Variants in APOB observed in about 807,000 individuals in gnomAD.
The protein encoded by APOB is apolipoprotein B-100.
APOB carries 153 observed loss-of-function variants against 314.1 expected under a neutral mutation model. The observed-to-expected ratio is 0.49, with a 90% CI of 0.43 to 0.56. APOB has a LOEUF of 0.56. Ranked by LOEUF, APOB falls within the 20% of genes least tolerant of loss-of-function variation. The pLI is 0.00. For missense variants in APOB, 5,430 were observed against 5,350.7 expected (o/e 1.01, Z -0.46); for synonymous variants, 2,087 against 2,036.4 (o/e 1.02, Z -0.67).
At chr2:21,025,343 A>T (rs532099564) in intron 15 of APOB, among the ~76,000 whole-genome samples, 8 of 152,276 alleles carry the variant, frequency 5.3e-5, no homozygotes, top group South Asian at 4.1e-4. Flanking sequence ...ATTCTTAATT[A>T]AAAAATCTGT....
chr2:21,004,947 A>G lies in APOB; in HGVS notation c.11788+133T>C, dbSNP rs1245890776. The stretch of plus-strand genomic sequence containing the variant: ...GTTTTTACGTGTAGGGTATACATGT[A>G]TCTCTTTTCTTACTTAAAATTTTGT... On this transcript the variant is annotated intron_variant, in intron 26 of 28. Transcript: ENST00000233242. 3.1e-5 allele frequency: 38 copies of G among 1,245,608 alleles called. No homozygotes were observed. The Admixed American group carries it at 4.2e-4, about 14-fold the overall frequency. The allele number at this position is 1,245,608 out of a possible 1,614,324, so 77.2% of individuals were successfully genotyped here.
chr2:21,037,102 T>A lies in APOB; in HGVS notation c.691A>T (p.Met231Leu). ...GACAGTGCTGACATGGGACTTACCA[T>A]GCCTTTGATGAGAGCAAGTGGGCTG... ...GISPLALIKG[M>L]TRPLSTLISS... The change falls in exon 6 of 29, where the codon ATG becomes TTG. Residue 231 changes from methionine (M) to leucine (L), a missense_variant and splice_region_variant. Met to Leu is a conservative substitution (Grantham distance 15, BLOSUM62 2). Transcript: ENST00000233242. 2 of 1,614,218 alleles carry A rather than the reference T, an allele frequency of 1.2e-6. No homozygotes were observed. Among genetic ancestry groups the A allele is most frequent in the Middle Eastern group, 1.7e-4 (1 of 6,042 alleles).
rs1048722739 is a variant in APOB at position 21,042,558 on chromosome 2, G to T, written c.122-82C>A. The T allele has an allele frequency of 4.2e-6, 4 of 947,662 alleles. No homozygotes were observed. The African/African-American group carries it at 4.8e-5, about 11-fold the overall frequency. 58.7% of individuals were successfully genotyped at this position (947,662 alleles called of 1,614,324 possible). On this transcript the variant is annotated intron_variant, in intron 2 of 28. Transcript: ENST00000233242. ...CCAATTCTGGGCAGAGAGGGGCAGT[G>T]GCATAGAGAATTAAAAATGGTAATT...
rs575272495 is a variant in APOB at position 21,043,120 on chromosome 2, G to A, written c.121+393C>T. ...GGAGGCCAGTTCCTTTAACCCCCAG[G>A]GGTCAGGTAAATAGGAAGGGGGTGG... On this transcript the variant is annotated intron_variant, in intron 2 of 28. Coordinates refer to ENST00000233242, the MANE Select transcript of APOB (RefSeq NM_000384.3). Among the ~76,000 whole-genome samples the A allele has an allele frequency of 2.7e-5, 4 of 150,746 alleles. No individual in the cohort carries two copies. The East Asian group carries it at 7.8e-4, about 29-fold the overall frequency.
In APOB at chr2:21,006,176, C is replaced by T. The variant is rs1663132010; in HGVS notation, c.10692G>A (p.Glu3564=). ...ATLQRIYSLW[E]HSTKNHLQLE... Reference sequence around the variant, plus strand: ...GCTGTAAGTGGTTTTTCGTACTGTGCTCCCAGAGGGAATATATGCGTTGGA... The same window carrying T: ...GCTGTAAGTGGTTTTTCGTACTGTGTTCCCAGAGGGAATATATGCGTTGGA... Residue 3564 remains glutamate, a synonymous_variant, in exon 26 of 29, where the codon GAG becomes GAA. Transcript: ENST00000233242. 6.2e-7 allele frequency: 1 copy of T among 1,613,994 alleles called. No individual in the cohort carries two copies. The highest frequency in any genetic ancestry group is 8.5e-7 in the Non-Finnish European group (1 of 1,179,946).
chr2:21,004,825 A>C, intron 26 of APOB, 150 bp from the exon 27 acceptor site: 1 of 747,258 alleles, frequency 1.3e-6, no homozygotes, highest in Non-Finnish European at 2.2e-6. Flanking sequence ...TTTAAAATAA[A>C]TAGTTAAAAG....
rs772671206 is a variant in APOB at position 21,004,350 on chromosome 2, G to A, written c.12006C>T (p.Ala4002=). 3 of 1,613,970 alleles carry A rather than the reference G, an allele frequency of 1.9e-6. No homozygotes were observed. Among genetic ancestry groups the A allele is most frequent in the East Asian group, 2.2e-5 (1 of 44,876 alleles). ...KDKKGISTSA[A]SPAVGTVGMD... ...TGCCCACGGTGCCTACGGCTGGGGA[G>A]GCTGCTGAGGTGGAGATGCCTTTCT... Residue 4002 remains alanine, a synonymous_variant, in exon 28 of 29, where the codon GCC becomes GCT. Transcript: ENST00000233242.
chr2:21,018,029 C>A (rs1279535728), intron 20 of APOB, among the ~76,000 whole-genome samples: 1 of 152,182 alleles, frequency 6.6e-6, no homozygotes, highest in Non-Finnish European at 1.5e-5. Context: ...GTAGCCCTTT[C>A]CATCTCAATA....
chr2:21,015,135 G>T lies in APOB; in HGVS notation c.3634C>A (p.Leu1212Met), dbSNP rs61736761. 5.5e-3 allele frequency: 8,870 copies of T among 1,614,164 alleles called. 344 individuals carry two copies. In the African/African-American group the frequency reaches 0.092, roughly 17 times the overall value. The stretch of plus-strand genomic sequence containing the variant: ...TCTGTTTGAGGGACTCTGTGATCCA[G>T]GAGTCTATTAGCATACATATGCAAG... ...KSLHMYANRL[L>M]DHRVPQTDMT... The change falls in exon 23 of 29, where the codon CTG becomes ATG. Residue 1212 changes from leucine to methionine, a missense_variant. Around this residue, in one of 3 missense-constraint regions of APOB, gnomAD observed 2,085 missense variants for 2,079.7 expected, o/e 1.00. Coordinates refer to ENST00000233242, the MANE Select transcript of APOB (RefSeq NM_000384.3).
Position 21,002,411 on chromosome 2 carries a change from G to A in APOB, c.13011C>T (p.Phe4337=), listed in dbSNP as rs2103347081. The A allele has an allele frequency of 6.3e-7, 1 of 1,599,220 alleles. No individual in the cohort carries two copies. Residue 4337 remains phenylalanine, a synonymous_variant, in exon 29 of 29, where the codon TTC becomes TTT. Transcript: ENST00000233242. Reference sequence around the variant, plus strand: ...TAAAAACATATGGGATATAATCACTGAAGATTGTGTTGATCTCATCTTGGA... The same window carrying A: ...TAAAAACATATGGGATATAATCACTAAAGATTGTGTTGATCTCATCTTGGA... ...NYIQDEINTI[F]SDYIPYVFKL... is the part of the protein sequence containing the mutation.
At chr2:21,042,959 A>G (rs1367420073) in intron 2 of APOB, among the ~76,000 whole-genome samples, 2 of 150,660 alleles carry the variant, frequency 1.3e-5, no homozygotes, top group Admixed American at 1.3e-4. Flanking sequence ...TGTAGTTGAG[A>G]GGAATTTTCT....
rs12720788 is a variant in APOB, at chr2:21,039,999, A to T, written c.383+939T>A. ...CAAATTTCGTCTCGTAGCTCTCATA[A>T]TTCCCACGTGTTGTGGGAGGGACCC... On this transcript the variant is annotated intron_variant, in intron 4 of 28. Coordinates refer to ENST00000233242, the MANE Select transcript of APOB (RefSeq NM_000384.3). Among the ~76,000 whole-genome samples the T allele has an allele frequency of 8.8e-3, 1,338 of 152,310 alleles. 7 individuals carry two copies. The highest frequency in any genetic ancestry group is 0.015 in the Non-Finnish European group (1,020 of 68,012).
chr2:21,018,561 C>T (rs1019218271), intron 20 of APOB, among the ~76,000 whole-genome samples: 10 of 152,138 alleles, frequency 6.6e-5, no homozygotes, highest in East Asian at 3.9e-4. Context: ...TCTTACCACA[C>T]GGCTTCTCCT....
rs1663220591 is a variant in APOB at position 21,008,699 on chromosome 2, G to A, written c.8169C>T (p.Ile2723=). The change falls in exon 26 of 29, where the codon ATC becomes ATT. Residue 2723 remains isoleucine (I), a synonymous_variant. Transcript: ENST00000233242. ...GAAAATCATTAAGGTTGAGAGTTGG[G>A]ATTATGAATTCTGGAATTGCGATTT... The part of the protein sequence containing the change: ...LPEIAIPEFI[I]PTLNLNDFQV... 1.9e-6 allele frequency: 3 copies of A among 1,613,998 alleles called. No homozygotes were observed. Among genetic ancestry groups the A allele is most frequent in the African/African-American group, 1.3e-5 (1 of 74,916 alleles).
chr2:21,003,151 C>T lies in APOB; in HGVS notation c.12271G>A (p.Glu4091Lys). Residue 4091 changes from glutamate (E) to lysine (K), a missense_variant, in exon 29 of 29, where the codon GAA (glutamate) becomes AAA (lysine). Coordinates refer to ENST00000233242, the MANE Select transcript of APOB (RefSeq NM_000384.3). ...TCTCTCAGGGTGAGCCCTGTGTGTT[C>T]CCAGTGGTACTTGTTGACATAATCA... The part of the protein sequence containing the change: ...LYDYVNKYHW[E>K]HTGLTLREVS... 6.2e-7 allele frequency: 1 copy of T among 1,613,748 alleles called. No homozygotes were observed. The highest frequency in any genetic ancestry group is 8.5e-7 in the Non-Finnish European group (1 of 1,179,754).
chr2:21,015,561 T>C lies in APOB; in HGVS notation c.3333-16A>G. Reference sequence around the variant, plus strand: ...TGTGTCACAACTATGGTAAAGAAAATCAGTTGGCACCAATGATTTTGTCCT... The same window carrying C: ...TGTGTCACAACTATGGTAAAGAAAACCAGTTGGCACCAATGATTTTGTCCT... On this transcript the variant is annotated splice_polypyrimidine_tract_variant and intron_variant, in intron 21 of 28. Coordinates refer to ENST00000233242, the MANE Select transcript of APOB (RefSeq NM_000384.3). The C allele has an allele frequency of 6.2e-7, 1 of 1,609,782 alleles. No homozygotes were observed. The highest frequency in any genetic ancestry group is 8.5e-7 in the Non-Finnish European group (1 of 1,179,834).
At chr2:21,032,640 G>T (rs1663909571) in intron 9 of APOB, 59 bp from the exon 10 acceptor site, 1 of 1,352,470 alleles carries the variant, frequency 7.4e-7, no homozygotes, top group Non-Finnish European at 1.0e-6. Context: ...ATAAAATATT[G>T]CTCATGGTGT....
rs371068679 is a variant in APOB, at chr2:21,010,641, G to A, written c.6227C>T (p.Thr2076Ile). ...ATTCCTCTCAAAATATTCTTGCAAG[G>A]TCTCAAAAAATGGGAGGTTAATGGA... is the stretch of plus-strand genomic sequence containing the variant. ...VHSINLPFFE[T>I]LQEYFERNRQ... The change falls in exon 26 of 29, where the codon ACC (threonine) becomes ATC (isoleucine). Residue 2076 changes from threonine (T) to isoleucine (I), a missense_variant. Thr to Ile is a moderately conservative substitution (Grantham distance 89). Around this residue, in one of 3 missense-constraint regions of APOB, gnomAD observed 3,281 missense variants for 3,171.0 expected, o/e 1.03. Transcript: ENST00000233242. 18 of 1,613,862 alleles carry A rather than the reference G, an allele frequency of 1.1e-5. No homozygotes were observed. The highest frequency in any genetic ancestry group is 1.4e-5 in the Non-Finnish European group (17 of 1,179,976).
chr2:21,029,077 A>G (rs1663815230), intron 12 of APOB, among the ~76,000 whole-genome samples: 1 of 152,248 alleles, frequency 6.6e-6, no homozygotes. Context: ...ATGTTGACAT[A>G]GCAGCAAAGT....
Sources: gnomAD v4.1 joint callset for allele counts (sites outside exome capture counted in the v4.1 genomes callset) on GRCh38, gnomAD v4.1.1 for gene constraint, gnomAD v4.1.1 regional missense constraint, MANE v1.5 for transcripts, NCBI Gene and HGNC (gene_info 2026-07-23, HGNC 2026-07-21) for gene names.